HS2ST1: variants seen among roughly 807,000 people sequenced by gnomAD.
The protein encoded by HS2ST1 is 2-O-sulfotransferase.
In HS2ST1, 18 loss-of-function variants were observed where a neutral mutation model predicts 42.9. The observed-to-expected ratio is 0.42, with a 90% CI of 0.29 to 0.62. The LOEUF (loss-of-function observed/expected upper bound fraction) is 0.62, where lower values mean the gene tolerates loss of function less well. HS2ST1 is among the 20% of genes least tolerant of loss of function. The pLI is 0.21. For synonymous variants in HS2ST1, 146 were observed against 152.9 expected (o/e 0.95, Z 0.33); for missense variants, 334 against 433.8 (o/e 0.77, Z 2.04).
intron 5 of HS2ST1, among the ~76,000 whole-genome samples, chr1:87,099,606 T>G (rs1024309764): frequency 3.9e-5 from 6 of 152,182 alleles, no homozygotes; most frequent in African/African-American, 1.4e-4. Context: ...ACCATATTAT[T>G]CTGCCCCTGG....
chr1:87,062,046 A>G (rs576286076), intron 1 of HS2ST1, among the ~76,000 whole-genome samples: 3 of 151,654 alleles, frequency 2.0e-5, no homozygotes, highest in African/African-American at 7.2e-5. Flanking sequence ...ACATCTGTTC[A>G]TGTTTGTTAG....
At chr1:87,085,305 T>C (rs1651794648) in intron 3 of HS2ST1, among the ~76,000 whole-genome samples, 1 of 152,114 alleles carries the variant, frequency 6.6e-6, no homozygotes, top group Non-Finnish European at 1.5e-5. Flanking sequence ...TTAAAAGGCA[T>C]TTTTTATAAA....
intron 2 of HS2ST1, among the ~76,000 whole-genome samples, chr1:87,079,126 A>G (rs1651618041): frequency 8.4e-6 from 1 of 118,488 alleles, no homozygotes; most frequent in Admixed American, 1.2e-4. Flanking sequence ...CAGTATGTAA[A>G]TGATACTTTT....
At chr1:86,966,097 C>T (rs1648037999) in intron 1 of HS2ST1, among the ~76,000 whole-genome samples, 1 of 152,134 alleles carries the variant, frequency 6.6e-6, no homozygotes, top group Admixed American at 6.5e-5. Flanking sequence ...TTTTGGTTGT[C>T]ATGTCTGGTA....
chr1:87,080,256 A>G (rs1276674426), intron 2 of HS2ST1, among the ~76,000 whole-genome samples: 1 of 152,190 alleles, frequency 6.6e-6, no homozygotes, highest in Non-Finnish European at 1.5e-5. Context: ...GTCAAGGGTT[A>G]TTGTTAAAAT....
intron 1 of HS2ST1, among the ~76,000 whole-genome samples, chr1:87,023,600 C>CT (rs1398509042): frequency 1.8e-4 from 27 of 152,052 alleles, no homozygotes; most frequent in Admixed American, 2.6e-4. Context: ...ATGCCAGACT[C>CT]TGAGTTCCTT....
chr1:87,015,785 A>G (rs918704362), intron 1 of HS2ST1, among the ~76,000 whole-genome samples: 1 of 152,154 alleles, frequency 6.6e-6, no homozygotes, highest in Non-Finnish European at 1.5e-5. Flanking sequence ...ATTATAGCCA[A>G]TGAAAAGCAA....
intron 1 of HS2ST1, among the ~76,000 whole-genome samples, chr1:87,040,455 C>T (rs1292609684): frequency 6.6e-6 from 1 of 152,000 alleles, no homozygotes; most frequent in African/African-American, 2.4e-5. Flanking sequence ...TAAATGATGC[C>T]TGTATTCACC....
intron 5 of HS2ST1, among the ~76,000 whole-genome samples, chr1:87,100,553 C>T (rs919882534): frequency 6.6e-6 from 1 of 152,168 alleles, no homozygotes; most frequent in Non-Finnish European, 1.5e-5. Flanking sequence ...GCAGTTGGCT[C>T]CCTTTTAGTC....
At chr1:87,055,164 C>G (rs1174030626) in intron 1 of HS2ST1, among the ~76,000 whole-genome samples, 1 of 152,180 alleles carries the variant, frequency 6.6e-6, no homozygotes, top group African/African-American at 2.4e-5. Flanking sequence ...TGTTCTTACA[C>G]AAGCTTGAAA....
chr1:87,079,785 C>T (rs1429330173), intron 2 of HS2ST1, among the ~76,000 whole-genome samples: 4 of 150,900 alleles, frequency 2.7e-5, no homozygotes, highest in African/African-American at 9.8e-5. Context: ...GGCCTGTGAG[C>T]ACTTTGGGAT....
Position 86,955,196 on chromosome 1 carries a change from G to T in HS2ST1, c.124+40036G>T, listed in dbSNP as rs550533023. Among the ~76,000 whole-genome samples the T allele has an allele frequency of 2.2e-4, 33 of 152,216 alleles. No homozygotes were observed. The South Asian group carries it at 6.8e-3, about 32-fold the overall frequency. ...CTTAGAGGAGATTAAACTTTTCTTA[G>T]TGCTTATTTCTGAAATAAAATTTTT... On this transcript the variant is annotated intron_variant, in intron 1 of 6. Coordinates refer to ENST00000370550, the MANE Select transcript of HS2ST1 (RefSeq NM_012262.4).
At chr1:87,065,548 AG>A (rs1461782743) in intron 1 of HS2ST1, among the ~76,000 whole-genome samples, 1 of 152,146 alleles carries the variant, frequency 6.6e-6, no homozygotes, top group Non-Finnish European at 1.5e-5. Context: ...TTTGTTTTTA[AG>A]GGTAGTTAAT....
intron 1 of HS2ST1, among the ~76,000 whole-genome samples, chr1:86,995,758 C>T (rs1360606694): frequency 6.6e-6 from 1 of 151,764 alleles, no homozygotes; most frequent in Non-Finnish European, 1.5e-5. Context: ...TTCATTGGAG[C>T]TTATATTCTC....
At chr1:86,961,513 T>G (rs1288164559) in intron 1 of HS2ST1, among the ~76,000 whole-genome samples, 1 of 152,122 alleles carries the variant, frequency 6.6e-6, no homozygotes, top group Non-Finnish European at 1.5e-5. Flanking sequence ...AGAGTTTTAT[T>G]TCCCATCATC....
chr1:86,929,662 AAAAT>A (rs920718204), intron 1 of HS2ST1, among the ~76,000 whole-genome samples: 18 of 151,820 alleles, frequency 1.2e-4, no homozygotes, highest in African/African-American at 4.3e-4. Context: ...ATACATATAT[AAAAT>A]AACTCTTTGG....
chr1:87,025,124 G>A (rs1650050976), intron 1 of HS2ST1, among the ~76,000 whole-genome samples: 1 of 152,216 alleles, frequency 6.6e-6, no homozygotes, highest in Non-Finnish European at 1.5e-5. Flanking sequence ...AAAAGTGAGA[G>A]CTCTGAGGTA....
intron 1 of HS2ST1, among the ~76,000 whole-genome samples, chr1:87,025,173 T>C (rs753189932): frequency 1.4e-4 from 10 of 69,450 alleles, no homozygotes; most frequent in Non-Finnish European, 2.4e-4. Flanking sequence ...CTAACACTTC[T>C]GGAACTGGAG....
At chr1:87,048,822 C>T (rs552988698) in intron 1 of HS2ST1, among the ~76,000 whole-genome samples, 1 of 152,222 alleles carries the variant, frequency 6.6e-6, no homozygotes, top group Admixed American at 6.5e-5. Flanking sequence ...TTGGGATAAA[C>T]TACATAGGTA....
Sources: gnomAD v4.1 joint callset for allele counts (sites outside exome capture counted in the v4.1 genomes callset) on GRCh38, gnomAD v4.1.1 for gene constraint, MANE v1.5 for transcripts, NCBI Gene and HGNC (gene_info 2026-07-23, HGNC 2026-07-21) for gene names.